RPS6KC1: variants seen among roughly 807,000 people sequenced by gnomAD.
RPS6KC1 encodes the protein ribosomal protein S6 kinase C1.
In RPS6KC1, 54 loss-of-function variants were observed where a neutral mutation model predicts 103.8. The observed-to-expected ratio is 0.52, with a 90% confidence interval of 0.42 to 0.65. The LOEUF is 0.65. RPS6KC1 is among the 30% of genes least tolerant of loss of function. The pLI, the probability that RPS6KC1 is intolerant of heterozygous loss-of-function variation, is 0.00. For synonymous variants in RPS6KC1, 439 were observed against 438.7 expected (o/e 1.00, Z -0.01); for missense variants, 1,151 against 1,253.8 (o/e 0.92, Z 1.24).
rs377616690 is a variant in RPS6KC1, at chr1:213,205,070, G to A, written c.1045-25427G>A. Among the ~76,000 whole-genome samples the A allele has an allele frequency of 3.6e-4, 55 of 152,202 alleles. No homozygotes were observed. In the South Asian group the frequency reaches 9.8e-3, roughly 27 times the overall value. On this transcript the variant is annotated intron_variant, in intron 8 of 14. Coordinates refer to ENST00000366960, the MANE Select transcript of RPS6KC1 (RefSeq NM_012424.6). Reference sequence around the variant, plus strand: ...TTGTACTACTCCCAGGCTGCTTATGGTATGTTATAGTATCAGATACATCTC... The same window carrying A: ...TTGTACTACTCCCAGGCTGCTTATGATATGTTATAGTATCAGATACATCTC...
At chr1:213,814,336 C>A in the RPS6KC1 span, among the ~76,000 whole-genome samples, 1 of 152,230 alleles carries the variant, frequency 6.6e-6, no homozygotes, top group South Asian at 2.1e-4. Context: ...GGGATGAGGG[C>A]AGCAAGGGCC....
the RPS6KC1 span, among the ~76,000 whole-genome samples, chr1:213,557,365 A>G: frequency 6.6e-6 from 1 of 152,192 alleles, no homozygotes; most frequent in Non-Finnish European, 1.5e-5. Flanking sequence ...TGCTGGCTAC[A>G]GGGCAGCTGT....
At chr1:213,501,488 G>A in the RPS6KC1 span, among the ~76,000 whole-genome samples, 504 of 152,210 alleles carry the variant, frequency 3.3e-3, 2 homozygotes, top group Middle Eastern at 0.01. Flanking sequence ...GGCATAAACC[G>A]TTTACTTTTC....
the RPS6KC1 span, among the ~76,000 whole-genome samples, chr1:213,287,704 A>G: frequency 2.0e-5 from 3 of 152,210 alleles, no homozygotes; most frequent in Admixed American, 1.3e-4. Flanking sequence ...TCATTTTAGC[A>G]TGCGGTATCC....
chr1:213,709,135 C>T, the RPS6KC1 span, among the ~76,000 whole-genome samples: 2 of 152,148 alleles, frequency 1.3e-5, no homozygotes, highest in South Asian at 2.1e-4. Flanking sequence ...ATACCAGCTC[C>T]TCTTTGTACC....
At chr1:213,284,604 A>G in the RPS6KC1 span, among the ~76,000 whole-genome samples, 70 of 146,468 alleles carry the variant, frequency 4.8e-4, no homozygotes, top group African/African-American at 1.8e-3. Context: ...TTTTAAGTAA[A>G]AAGGATTGAA....
rs749790100 is a variant in RPS6KC1 at position 213,241,174 on chromosome 1, A to G, written c.1698A>G (p.Arg566=). Reference sequence around the variant, plus strand: ...GTGACAGCCCCAGCACACAGCTGAGAGCTCACGAGCTGAAGTTCTTCCCCA... The same window carrying G: ...GTGACAGCCCCAGCACACAGCTGAGGGCTCACGAGCTGAAGTTCTTCCCCA... The part of the protein sequence containing the change: ...ADSDSPSTQL[R]AHELKFFPND... The change falls in exon 11 of 15, where the codon AGA becomes AGG. Residue 566 remains arginine (R), a synonymous_variant. Coordinates refer to ENST00000366960, the MANE Select transcript of RPS6KC1 (RefSeq NM_012424.6). 24 of 1,613,782 alleles carry G rather than the reference A, an allele frequency of 1.5e-5. 1 individual carries two copies. In the East Asian group the frequency reaches 5.3e-4, roughly 36 times the overall value.
the RPS6KC1 span, among the ~76,000 whole-genome samples, chr1:213,393,829 G>A: frequency 7.7e-4 from 118 of 152,318 alleles, no homozygotes; most frequent in Non-Finnish European, 1.5e-3. Flanking sequence ...GGACCTGGGA[G>A]TGGGATGGAA....
chr1:213,253,303 C>A (rs1440926424), intron 12 of RPS6KC1, among the ~76,000 whole-genome samples: 1 of 152,056 alleles, frequency 6.6e-6, no homozygotes, highest in African/African-American at 2.4e-5. Flanking sequence ...AGTGGAAAAA[C>A]CAGGGAACTG....
the RPS6KC1 span, among the ~76,000 whole-genome samples, chr1:213,369,511 C>G: frequency 9.2e-5 from 14 of 152,198 alleles, no homozygotes; most frequent in African/African-American, 3.4e-4. Flanking sequence ...CTCGCAATTC[C>G]ACTAAAGGCT....
At chr1:213,860,867 G>T in the RPS6KC1 span, among the ~76,000 whole-genome samples, 1 of 151,538 alleles carries the variant, frequency 6.6e-6, no homozygotes, top group East Asian at 1.9e-4. Flanking sequence ...GGAGTGCAGT[G>T]GTTCGATCTT....
the RPS6KC1 span, among the ~76,000 whole-genome samples, chr1:213,762,649 G>A: frequency 1.3e-5 from 2 of 152,112 alleles, no homozygotes; most frequent in Admixed American, 1.3e-4. Flanking sequence ...GCTAATAATA[G>A]ATGTTTATAA....
chr1:213,533,683 A>T, the RPS6KC1 span, among the ~76,000 whole-genome samples: 2 of 152,316 alleles, frequency 1.3e-5, no homozygotes, highest in East Asian at 3.9e-4. Flanking sequence ...TGTTTCCCTG[A>T]AACGTTCTCT....
chr1:213,213,590 T>C (rs781672522), intron 8 of RPS6KC1, among the ~76,000 whole-genome samples: 1 of 152,162 alleles, frequency 6.6e-6, no homozygotes, highest in Non-Finnish European at 1.5e-5. Context: ...CACTAGACAA[T>C]CATTTAAAAT....
chr1:213,848,246 T>C, the RPS6KC1 span, among the ~76,000 whole-genome samples: 4 of 152,146 alleles, frequency 2.6e-5, no homozygotes, highest in South Asian at 2.1e-4. Context: ...AATCAAGATA[T>C]AGAACATTTT....
At chr1:213,197,539 T>A (rs957058351) in intron 8 of RPS6KC1, among the ~76,000 whole-genome samples, 5 of 152,092 alleles carry the variant, frequency 3.3e-5, no homozygotes, top group Non-Finnish European at 7.4e-5. Flanking sequence ...TATGTATGTA[T>A]GTATGTATGT....
downstream of RPS6KC1, among the ~76,000 whole-genome samples, chr1:213,278,806 G>C (rs1256172832): frequency 6.6e-6 from 1 of 152,214 alleles, no homozygotes; most frequent in Non-Finnish European, 1.5e-5. Flanking sequence ...ACAAAGGAGA[G>C]ATCTGAGGAG....
intron 6 of RPS6KC1, among the ~76,000 whole-genome samples, chr1:213,152,341 C>A (rs1465719878): frequency 1.4e-5 from 2 of 146,416 alleles, no homozygotes; most frequent in Non-Finnish European, 3.1e-5. Flanking sequence ...ACCCCCCCCA[C>A]CTCCCTCCCG....
chr1:213,528,019 G>T, the RPS6KC1 span, among the ~76,000 whole-genome samples: 1 of 152,128 alleles, frequency 6.6e-6, no homozygotes. Flanking sequence ...GTAGGCTGAG[G>T]AGGAGGAGGA....
Sources: gnomAD v4.1 joint callset for allele counts (sites outside exome capture counted in the v4.1 genomes callset) on GRCh38, gnomAD v4.1.1 for gene constraint, MANE v1.5 for transcripts, NCBI Gene and HGNC (gene_info 2026-07-23, HGNC 2026-07-21) for gene names.